Variants in KLF17 observed in about 807,000 individuals in gnomAD.
KLF17 encodes Krueppel-like factor 17.
KLF17 carries 31 observed loss-of-function variants against 34.2 expected under a neutral mutation model. The observed-to-expected ratio is 0.91, with a 90% CI of 0.68 to 1.22. KLF17 has a LOEUF of 1.22. Ranked by LOEUF, KLF17 falls within the 50% of genes most tolerant of loss-of-function variation. KLF17 has a pLI of 0.00. For synonymous variants in KLF17, 179 were observed against 186.7 expected (o/e 0.96, Z 0.34); for missense variants, 478 against 505.2 (o/e 0.95, Z 0.52).
chr1:44,080,034 T>A, the KLF17 span, among the ~76,000 whole-genome samples: 2 of 151,738 alleles, frequency 1.3e-5, no homozygotes, highest in African/African-American at 4.8e-5. Context: ...GTTCAAGCAA[T>A]TCTCCTGTCT....
the KLF17 span, among the ~76,000 whole-genome samples, chr1:44,097,528 C>T: frequency 1.3e-5 from 2 of 151,538 alleles, no homozygotes; most frequent in South Asian, 4.2e-4. Flanking sequence ...CACCATGGCA[C>T]GTGTATACCT....
At chr1:44,100,295 C>T in the KLF17 span, among the ~76,000 whole-genome samples, 1 of 149,066 alleles carries the variant, frequency 6.7e-6, no homozygotes, top group African/African-American at 2.5e-5. Context: ...AAAGAAATGA[C>T]ACTGGTGACC....
intron 2 of KLF17, 139 bp downstream of exon 2, chr1:44,130,335 G>T: frequency 7.0e-7 from 1 of 1,423,192 alleles, no homozygotes. Flanking sequence ...CCCCCGACTT[G>T]CCATACAGGA....
At chr1:44,130,865 G>A (rs747838181) in intron 3 of KLF17, 109 bp downstream of exon 3, 10 of 1,053,840 alleles carry the variant, frequency 9.5e-6, no homozygotes, top group South Asian at 4.7e-5. Context: ...GGCGCAATTC[G>A]GTTCACTGCA....
At chr1:44,128,469 A>G (rs1296014552) in intron 1 of KLF17, among the ~76,000 whole-genome samples, 3 of 152,166 alleles carry the variant, frequency 2.0e-5, no homozygotes, top group African/African-American at 7.2e-5. Flanking sequence ...TGACTTCCAG[A>G]CAACCCCCAT....
At chr1:44,072,154 A>C in the KLF17 span, among the ~76,000 whole-genome samples, 4 of 151,704 alleles carry the variant, frequency 2.6e-5, no homozygotes, top group Non-Finnish European at 5.9e-5. Flanking sequence ...GAGAGAAAAA[A>C]GAAAGGAACC....
the KLF17 span, among the ~76,000 whole-genome samples, chr1:44,090,324 A>G: frequency 6.7e-6 from 1 of 149,564 alleles, no homozygotes; most frequent in Non-Finnish European, 1.5e-5. Context: ...AAAAAAAAAA[A>G]AAAAAAAAAA....
chr1:44,124,720 T>C (rs538463042), intron 1 of KLF17, among the ~76,000 whole-genome samples: 1 of 152,124 alleles, frequency 6.6e-6, no homozygotes, highest in African/African-American at 2.4e-5. Context: ...TGTCTCGAAC[T>C]CCTGACCTCA....
the KLF17 span, among the ~76,000 whole-genome samples, chr1:44,059,739 A>C: frequency 6.6e-6 from 1 of 151,902 alleles, no homozygotes; most frequent in East Asian, 1.9e-4. Flanking sequence ...TATCTTTTGC[A>C]TCCACTGTTG....
At chr1:44,108,700 G>A in the KLF17 span, among the ~76,000 whole-genome samples, 9 of 105,266 alleles carry the variant, frequency 8.5e-5, no homozygotes, top group African/African-American at 2.2e-4. Context: ...AGTTTCCCTC[G>A]TGTTGCCCAA....
the KLF17 span, among the ~76,000 whole-genome samples, chr1:44,044,392 C>T: frequency 6.6e-6 from 1 of 152,166 alleles, no homozygotes; most frequent in Admixed American, 6.5e-5. Context: ...AGTTGACACA[C>T]AGATTAGGTG....
chr1:44,091,635 C>CA, the KLF17 span, among the ~76,000 whole-genome samples: 1,202 of 78,840 alleles, frequency 0.015, 20 homozygotes, highest in South Asian at 0.021. Flanking sequence ...GACTCCATCT[C>CA]AAAAAAAAAA....
the KLF17 span, among the ~76,000 whole-genome samples, chr1:44,045,487 C>G: frequency 6.6e-6 from 1 of 152,338 alleles, no homozygotes; most frequent in East Asian, 1.9e-4. Context: ...GTTCAAAACT[C>G]AATTCCAGAC....
At chr1:44,083,223 T>C in the KLF17 span, among the ~76,000 whole-genome samples, 4,862 of 151,428 alleles carry the variant, frequency 0.032, 90 homozygotes, top group Middle Eastern at 0.056. Context: ...GCTAGGATTA[T>C]AGGCATGAGG....
At chr1:44,068,539 C>A in the KLF17 span, among the ~76,000 whole-genome samples, 2 of 152,354 alleles carry the variant, frequency 1.3e-5, no homozygotes, top group East Asian at 3.9e-4. Flanking sequence ...CTCCTCCCTT[C>A]CCCTGCCCTT....
chr1:44,107,714 A>C, the KLF17 span, among the ~76,000 whole-genome samples: 1 of 152,118 alleles, frequency 6.6e-6, no homozygotes, highest in Non-Finnish European at 1.5e-5. Context: ...CACAGTGCTT[A>C]TGTTCAAGTA....
chr1:44,054,478 CTTTTTTTTT>C, the KLF17 span, among the ~76,000 whole-genome samples: 1 of 100,202 alleles, frequency 1.0e-5, no homozygotes, highest in Admixed American at 1.3e-4. Flanking sequence ...ATCAGTGTGC[CTTTTTTTTT>C]TTTTTTTTTT....
At position 44,129,889 on chromosome 1, in the gene KLF17, C is replaced by A; in HGVS notation, c.618C>A (p.Pro206=). ...VPSTEAQAVL[P]SMAQMLPPQD... is the part of the protein sequence containing the mutation. ...CCACTGAGGCCCAGGCAGTGCTCCC[C>A]TCCATGGCTCAGATGTTGCCCCCGC... The change falls in exon 2 of 4, where the codon CCC becomes CCA. Residue 206 remains proline, a synonymous_variant. Transcript: ENST00000372299. 6.2e-7 allele frequency: 1 copy of A among 1,614,206 alleles called. No individual in the cohort carries two copies. The highest frequency in any genetic ancestry group is 1.1e-5 in the South Asian group (1 of 91,084).
At chr1:44,053,808 A>G in the KLF17 span, among the ~76,000 whole-genome samples, 4 of 152,348 alleles carry the variant, frequency 2.6e-5, no homozygotes, top group Admixed American at 2.0e-4. Context: ...CATGACATGC[A>G]AATATTACTA....
Sources: allele counts gnomAD v4.1 joint callset (sites outside exome capture counted in the v4.1 genomes callset), GRCh38; gene constraint gnomAD v4.1.1; transcripts MANE v1.5; gene names NCBI Gene and HGNC (gene_info 2026-07-23, HGNC 2026-07-21).